The following ATIC variants were observed in gnomAD, a reference collection of about 807,000 sequenced individuals.
ATIC encodes the protein bifunctional purine biosynthesis protein ATIC.
A neutral mutation model predicts 72.5 loss-of-function variants in ATIC; 64 were observed. The observed-to-expected ratio is 0.88, with a 90% CI of 0.72 to 1.09. ATIC has a LOEUF of 1.09. ATIC is among the 50% of genes least tolerant of loss of function. The pLI, the probability that ATIC is intolerant of heterozygous loss-of-function variation, is 0.00. For missense variants in ATIC, 787 were observed against 732.4 expected, an observed-to-expected ratio of 1.07 and a Z score of -0.86; for synonymous variants, 281 against 267.1, an observed-to-expected ratio of 1.05 and a Z score of -0.51.
chr2:215,312,531 T>G lies in ATIC; in HGVS notation c.53T>G (p.Val18Gly), dbSNP rs768321899. 1.4e-5 allele frequency: 23 copies of G among 1,614,056 alleles called. No homozygotes were observed. Among genetic ancestry groups the G allele is most frequent in the Non-Finnish European group, 1.7e-5 (20 of 1,180,028 alleles). The change falls in exon 2 of 16, where the codon GTG becomes GGG. Residue 18 changes from valine to glycine, a missense_variant. Transcript: ENST00000236959. ...LFSVSDKTGLVEFARNLTALG... is the reference protein window; with the variant it reads ...LFSVSDKTGLGEFARNLTALG... ...AGTGTCTCTGACAAAACCGGCCTTGTGGAATTTGCAAGAAACCTGACCGCT... is the reference window on the plus strand; with the variant it reads ...AGTGTCTCTGACAAAACCGGCCTTGGGGAATTTGCAAGAAACCTGACCGCT...
At chr2:215,341,694 T>C (rs1281755874) in intron 12 of ATIC, among the ~76,000 whole-genome samples, 1 of 152,192 alleles carries the variant, frequency 6.6e-6, no homozygotes, top group Non-Finnish European at 1.5e-5. Context: ...TTTCCTCTTC[T>C]CCCATTTTTC....
At chr2:215,365,966 A>ATTTTTTTTTTT in the ATIC span, among the ~76,000 whole-genome samples, 356 of 90,316 alleles carry the variant, frequency 3.9e-3, no homozygotes, top group African/African-American at 5.1e-3. Context: ...CCACAGTGCT[A>ATTTTTTTTTTT]TTTTTTTTTT....
intron 11 of ATIC, among the ~76,000 whole-genome samples, chr2:215,337,402 T>A (rs1013633364): frequency 3.3e-5 from 5 of 152,190 alleles, no homozygotes; most frequent in African/African-American, 7.2e-5. Context: ...CTTGACAGTC[T>A]GTTGCCCAGG....
At chr2:215,349,898 C>G (rs1455403015), downstream of ATIC, 5 of 609,264 alleles carry the variant, frequency 8.2e-6, no homozygotes, top group Non-Finnish European at 1.4e-5. Flanking sequence ...ACAGCACTGC[C>G]CGTGTGAAAC....
chr2:215,367,807 A>G, the ATIC span: 1 of 1,562,020 alleles, frequency 6.4e-7, no homozygotes, highest in Non-Finnish European at 8.8e-7. Flanking sequence ...ACATGAGTGC[A>G]TGCATGGAAC....
chr2:215,346,932 C>T lies in ATIC; in HGVS notation c.1494C>T (p.Thr498=), dbSNP rs116255553. ...SNAIDQYVTG[T]IGEDEDLIKW... is the part of the protein sequence containing the mutation. Reference sequence around the variant, plus strand: ...CCATCGATCAATATGTGACTGGAACCATTGGCGAGGTGAAAGACTTGGCAT... The same window carrying T: ...CCATCGATCAATATGTGACTGGAACTATTGGCGAGGTGAAAGACTTGGCAT... Residue 498 remains threonine, a synonymous_variant, in exon 14 of 16, where the codon ACC becomes ACT. Transcript: ENST00000236959. 1.2e-6 allele frequency: 2 copies of T among 1,614,124 alleles called. No individual in the cohort carries two copies. The highest frequency in any genetic ancestry group is 1.7e-5 in the Admixed American group (1 of 60,026).
At chr2:215,351,646 T>C (rs541523557), downstream of ATIC, among the ~76,000 whole-genome samples, 1 of 152,284 alleles carries the variant, frequency 6.6e-6, no homozygotes, top group African/African-American at 2.4e-5. Flanking sequence ...ATTCTTCACA[T>C]AGATGAAGAA....
chr2:215,313,215 A>G (rs1354637708), intron 2 of ATIC, among the ~76,000 whole-genome samples: 1 of 152,214 alleles, frequency 6.6e-6, no homozygotes, highest in African/African-American at 2.4e-5. Flanking sequence ...CCTTCCTTAA[A>G]CAGATTAACT....
chr2:215,365,904 C>T, the ATIC span, among the ~76,000 whole-genome samples: 4,175 of 148,676 alleles, frequency 0.028, 182 homozygotes, highest in African/African-American at 0.096. Context: ...CTCCTGGGTT[C>T]ATGCAGTTAT....
the ATIC span, among the ~76,000 whole-genome samples, chr2:215,355,785 C>T: frequency 6.6e-6 from 1 of 152,206 alleles, no homozygotes; most frequent in East Asian, 1.9e-4. Context: ...TGCTAGAAGG[C>T]CCCCACATTC....
intron 9 of ATIC, 108 bp downstream of exon 9, chr2:215,333,565 T>A: frequency 1.3e-6 from 1 of 750,490 alleles, no homozygotes; most frequent in Non-Finnish European, 2.1e-6. Flanking sequence ...ATATTCTGTA[T>A]AATATATAGA....
At chr2:215,335,563 C>T (rs570299079) in intron 10 of ATIC, among the ~76,000 whole-genome samples, 1 of 152,176 alleles carries the variant, frequency 6.6e-6, no homozygotes, top group African/African-American at 2.4e-5. Flanking sequence ...TTTCCATGGC[C>T]ACTGCCATCC....
downstream of ATIC, among the ~76,000 whole-genome samples, chr2:215,351,180 C>G (rs1413290721): frequency 2.6e-5 from 4 of 152,200 alleles, no homozygotes; most frequent in South Asian, 4.1e-4. Context: ...CTTGCTTACA[C>G]TAGTTGCCAG....
At chr2:215,323,521 T>C (rs567701911) in intron 4 of ATIC, among the ~76,000 whole-genome samples, 52 of 152,344 alleles carry the variant, frequency 3.4e-4, no homozygotes, top group Non-Finnish European at 6.3e-4. Context: ...TGCTAATGTA[T>C]ATTTTAATAC....
At chr2:215,354,909 C>T in the ATIC span, among the ~76,000 whole-genome samples, 1 of 151,886 alleles carries the variant, frequency 6.6e-6, no homozygotes, top group South Asian at 2.1e-4. Context: ...TGATGCACTC[C>T]TCGCCAGCCC....
At chr2:215,334,693 G>A (rs2052936087) in intron 9 of ATIC, among the ~76,000 whole-genome samples, 1 of 152,054 alleles carries the variant, frequency 6.6e-6, no homozygotes, top group African/African-American at 2.4e-5. Flanking sequence ...TATATAAATT[G>A]GTCCTTCACA....
At chr2:215,338,652 G>C (rs2052982781) in intron 11 of ATIC, 127 bp from the exon 12 acceptor site, 7 of 1,017,238 alleles carry the variant, frequency 6.9e-6, no homozygotes, top group Non-Finnish European at 9.8e-6. Context: ...TAGAAAATTA[G>C]AAAACTGTAA....
At chr2:215,347,899 A>G (rs1001680491) in intron 14 of ATIC, among the ~76,000 whole-genome samples, 1 of 152,136 alleles carries the variant, frequency 6.6e-6, no homozygotes, top group Non-Finnish European at 1.5e-5. Context: ...TATAAACCAT[A>G]GACATTTATT....
At chr2:215,359,374 GCA>G in the ATIC span, among the ~76,000 whole-genome samples, 265 of 152,244 alleles carry the variant, frequency 1.7e-3, 1 homozygote, top group African/African-American at 6.1e-3. Context: ...ACTTTTTGCA[GCA>G]CATGTGTCTC....
Sources: gnomAD v4.1 joint callset for allele counts (sites outside exome capture counted in the v4.1 genomes callset) on GRCh38, gnomAD v4.1.1 for gene constraint, MANE v1.5 for transcripts, NCBI Gene and HGNC (gene_info 2026-07-23, HGNC 2026-07-21) for gene names.